The following PRDM5 variants were observed in gnomAD, a reference collection of about 807,000 sequenced individuals.
PRDM5 encodes the protein PR domain zinc finger protein 5.
A neutral mutation model predicts 81.2 loss-of-function variants in PRDM5; 56 were observed. That is an observed-to-expected ratio of 0.69 (90% CI 0.56 to 0.86). The LOEUF (loss-of-function observed/expected upper bound fraction) is 0.86, where lower values mean the gene tolerates loss of function less well. Among genes scored for constraint, PRDM5 ranks in the 40% least tolerant of loss-of-function variants. PRDM5 has a pLI of 0.00. For synonymous variants in PRDM5, 267 were observed against 256.4 expected (o/e 1.04, Z -0.39); for missense variants, 697 against 770.1 (o/e 0.91, Z 1.12).
In PRDM5 at chr4:120,914,514, G is replaced by C. The variant is rs372707533; in HGVS notation, c.94-6957C>G. ...GCTATAAAGAACTTCCCTAAGTCTG[G>C]GTAATTTATAAAGGAAAGAGGTTTA... is the stretch of plus-strand genomic sequence containing the variant. On this transcript the variant is annotated intron_variant, in intron 1 of 15. Transcript: ENST00000264808. Among the ~76,000 whole-genome samples the C allele has an allele frequency of 6.5e-4, 99 of 152,186 alleles. 1 individual carries two copies. In the South Asian group the frequency reaches 0.02, roughly 31 times the overall value.
At chr4:120,907,640 T>A in intron 1 of PRDM5, 83 bp from the exon 2 acceptor site, 2 of 1,079,700 alleles carry the variant, frequency 1.9e-6, no homozygotes, top group Non-Finnish European at 2.9e-6. Context: ...TTCTGGAATG[T>A]TTTTCTGCAA....
At chr4:120,700,830 T>C (rs765828862) in intron 15 of PRDM5, among the ~76,000 whole-genome samples, 1 of 152,102 alleles carries the variant, frequency 6.6e-6, no homozygotes, top group African/African-American at 2.4e-5. Flanking sequence ...AGAATGGCTA[T>C]TGTTAACAAG....
Position 120,765,307 on chromosome 4 carries a change from C to T in PRDM5, c.1538-10669G>A, listed in dbSNP as rs149132435. ...ACAGAAGGGCCTACACAGTCGGTAT[C>T]TATTAACACAGAAAGCTGGTTGGAA... On this transcript the variant is annotated intron_variant, in intron 13 of 15. Transcript: ENST00000264808. Among the ~76,000 whole-genome samples, 499 of 152,318 alleles carry T rather than the reference C, an allele frequency of 3.3e-3. 3 individuals are homozygous for T. Among genetic ancestry groups the T allele is most frequent in the African/African-American group, 0.012 (491 of 41,574 alleles).
At chr4:120,721,396 C>T (rs1203538811) in intron 14 of PRDM5, among the ~76,000 whole-genome samples, 1 of 152,110 alleles carries the variant, frequency 6.6e-6, no homozygotes. Context: ...TTTAAAAGCT[C>T]CCAAGGTGCC....
At chr4:120,710,220 G>GAC (rs1553945560) in intron 15 of PRDM5, 89 bp downstream of exon 15, 10,653 of 980,102 alleles carry the variant, frequency 0.011, 269 homozygotes, top group African/African-American at 0.11. Flanking sequence ...CACACACACA[G>GAC]ACACACACAC....
intron 13 of PRDM5, among the ~76,000 whole-genome samples, chr4:120,775,872 A>G (rs1315933239): frequency 1.3e-5 from 2 of 152,180 alleles, no homozygotes; most frequent in African/African-American, 4.8e-5. Context: ...CAGTGACATC[A>G]AAGATTACAC....
At chr4:120,750,717 C>CGT (rs1561085921) in intron 14 of PRDM5, among the ~76,000 whole-genome samples, 3 of 148,574 alleles carry the variant, frequency 2.0e-5, no homozygotes, top group Non-Finnish European at 4.5e-5. Context: ...CACACACACA[C>CGT]ACGCGCACAC....
intron 7 of PRDM5, 33 bp downstream of exon 7, chr4:120,816,420 C>G (rs768276309): frequency 6.2e-7 from 1 of 1,614,108 alleles, no homozygotes; most frequent in Non-Finnish European, 8.5e-7. Context: ...GAAAGGAAGC[C>G]CCTTCGGAAA....
At chr4:120,848,491 TC>T (rs1389240030) in intron 3 of PRDM5, among the ~76,000 whole-genome samples, 2 of 152,180 alleles carry the variant, frequency 1.3e-5, no homozygotes, top group African/African-American at 4.8e-5. Context: ...AGAGTCAGTA[TC>T]CTTATCTGAC....
At chr4:120,786,586 G>A (rs1237722598) in intron 10 of PRDM5, among the ~76,000 whole-genome samples, 1 of 151,990 alleles carries the variant, frequency 6.6e-6, no homozygotes, top group Non-Finnish European at 1.5e-5. Flanking sequence ...AAGATAAATT[G>A]CAAATCAATT....
chr4:120,843,909 T>C (rs1294890928), intron 3 of PRDM5, among the ~76,000 whole-genome samples: 1 of 152,102 alleles, frequency 6.6e-6, no homozygotes, highest in Non-Finnish European at 1.5e-5. Context: ...TATAAAGTCT[T>C]TATCTTTCCA....
At chr4:120,853,873 T>C (rs1036629329) in intron 2 of PRDM5, among the ~76,000 whole-genome samples, 1 of 152,194 alleles carries the variant, frequency 6.6e-6, no homozygotes, top group South Asian at 2.1e-4. Flanking sequence ...ATAATCATTA[T>C]TGCAACCTTC....
chr4:120,897,258 T>C (rs1764738132), intron 2 of PRDM5, among the ~76,000 whole-genome samples: 1 of 152,180 alleles, frequency 6.6e-6, no homozygotes, highest in Non-Finnish European at 1.5e-5. Flanking sequence ...TAAAGCATTC[T>C]AGATTGGCAG....
intron 8 of PRDM5, among the ~76,000 whole-genome samples, chr4:120,800,053 T>C (rs1215567381): frequency 6.6e-6 from 1 of 152,254 alleles, no homozygotes; most frequent in African/African-American, 2.4e-5. Flanking sequence ...GTAACTCTTC[T>C]GTTATGCACA....
intron 13 of PRDM5, among the ~76,000 whole-genome samples, chr4:120,756,926 T>C (rs977946787): frequency 1.3e-5 from 2 of 152,168 alleles, no homozygotes; most frequent in Non-Finnish European, 2.9e-5. Flanking sequence ...CCTAAGATAA[T>C]TCAATATTCA....
At chr4:120,821,953 A>G (rs1755344235) in intron 3 of PRDM5, among the ~76,000 whole-genome samples, 2 of 152,186 alleles carry the variant, frequency 1.3e-5, no homozygotes, top group African/African-American at 4.8e-5. Flanking sequence ...AAAAGAAAAA[A>G]AAAAAAAACA....
At chr4:120,706,485 T>A (rs968365705) in intron 15 of PRDM5, among the ~76,000 whole-genome samples, 28 of 152,008 alleles carry the variant, frequency 1.8e-4, no homozygotes, top group African/African-American at 6.5e-4. Flanking sequence ...GTTGAGAGAT[T>A]AAGAAATCTG....
intron 2 of PRDM5, among the ~76,000 whole-genome samples, chr4:120,881,509 A>G (rs1311933602): frequency 6.6e-6 from 1 of 152,212 alleles, no homozygotes; most frequent in Non-Finnish European, 1.5e-5. Context: ...AGAATTAACC[A>G]GTATGGGAAA....
chr4:120,908,329 A>C lies in PRDM5; in HGVS notation c.94-772T>G, dbSNP rs115858820. 9.0e-3 allele frequency among the ~76,000 whole-genome samples: 1,365 copies of C among 152,348 alleles called. 21 individuals are homozygous for C. The highest frequency in any genetic ancestry group is 0.031 in the African/African-American group (1,306 of 41,570). ...ATTTGTCCAACCAGACATTTTGTTG[A>C]AATGTGTGCAGAGGAGACACAGAGC... On this transcript the variant is annotated intron_variant, in intron 1 of 15. Transcript: ENST00000264808.
Sources: allele counts gnomAD v4.1 joint callset (sites outside exome capture counted in the v4.1 genomes callset), GRCh38; gene constraint gnomAD v4.1.1; transcripts MANE v1.5; gene names NCBI Gene and HGNC (gene_info 2026-07-23, HGNC 2026-07-21).